Variants in UHRF2 observed in about 807,000 individuals in gnomAD.
UHRF2 encodes the protein ubiquitin like with PHD and ring finger domains 2.
Under a neutral mutation model 96.8 loss-of-function variants are expected in UHRF2, and 23 were observed. That is an observed-to-expected ratio of 0.24 (90% CI 0.17 to 0.34). The LOEUF (loss-of-function observed/expected upper bound fraction) is 0.34. Ranked by LOEUF, UHRF2 falls within the 10% of genes least tolerant of loss-of-function variation. The pLI, the probability that UHRF2 is intolerant of heterozygous loss-of-function variation, is 1.00. For synonymous variants in UHRF2, 385 were observed against 332.6 expected (o/e 1.16, Z -1.72); for missense variants, 685 against 981.5 (o/e 0.70, Z 4.04).
At chr9:6,414,641 T>C (rs1322085019) in intron 1 of UHRF2, among the ~76,000 whole-genome samples, 1 of 152,246 alleles carries the variant, frequency 6.6e-6, no homozygotes, top group Non-Finnish European at 1.5e-5. Flanking sequence ...GACCACAGTT[T>C]GGCTCCAATC....
Position 6,506,309 on chromosome 9 carries a change from A to G in UHRF2, c.*130A>G, listed in dbSNP as rs545824934. 194 of 1,197,724 alleles carry G rather than the reference A, an allele frequency of 1.6e-4. No homozygotes were observed. In the East Asian group the frequency reaches 4.5e-3, roughly 28 times the overall value. 74.2% of individuals were successfully genotyped at this position (1,197,724 alleles called of 1,614,324 possible). On this transcript the variant is annotated 3_prime_UTR_variant, in exon 16 of 16. Transcript: ENST00000276893. ...TGAAGCAGCTAATCCTCTTTCCCAC[A>G]TAGCCATCATCTTGTGTGTGTAGTA...
chr9:6,427,461 C>T (rs993517997), intron 2 of UHRF2, among the ~76,000 whole-genome samples: 2 of 151,996 alleles, frequency 1.3e-5, no homozygotes, highest in Admixed American at 6.6e-5. Context: ...TCGAGGCAGG[C>T]AGAGCACCTG....
At chr9:6,426,395 C>T (rs916639702) in intron 2 of UHRF2, among the ~76,000 whole-genome samples, 1 of 152,184 alleles carries the variant, frequency 6.6e-6, no homozygotes, top group Non-Finnish European at 1.5e-5. Flanking sequence ...TTAAGGTTCC[C>T]TTTCCCCATT....
At chr9:6,452,703 A>G (rs1821946428) in intron 3 of UHRF2, among the ~76,000 whole-genome samples, 1 of 152,206 alleles carries the variant, frequency 6.6e-6, no homozygotes, top group Non-Finnish European at 1.5e-5. Flanking sequence ...CACTTCTAAG[A>G]GCATGAAGGG....
intron 3 of UHRF2, among the ~76,000 whole-genome samples, chr9:6,445,640 C>G (rs1189419486): frequency 6.6e-6 from 1 of 152,178 alleles, no homozygotes. Flanking sequence ...TCACTGCAAC[C>G]TTGACCTCCT....
intron 9 of UHRF2, among the ~76,000 whole-genome samples, chr9:6,488,926 G>A (rs1345014756): frequency 1.3e-5 from 2 of 151,834 alleles, no homozygotes; most frequent in Non-Finnish European, 2.9e-5. Context: ...GATTCTCCTG[G>A]TGCAGCTTTC....
At chr9:6,447,468 T>C (rs201782192) in intron 3 of UHRF2, among the ~76,000 whole-genome samples, 2 of 152,124 alleles carry the variant, frequency 1.3e-5, no homozygotes, top group African/African-American at 2.4e-5. Context: ...AGAGGAGATA[T>C]TTTAGTTCCT....
Position 6,504,542 on chromosome 9 carries a change from CATATT to C in UHRF2, c.2164-48_2164-44del, listed in dbSNP as rs749447182. ...ATACACAGTAGATGAATTTTATTAG[CATATT>C]ATGAACTGCTAACTTTTCTTTCCTT... On this transcript the variant is annotated intron_variant, in intron 14 of 15. Transcript: ENST00000276893. 4.2e-5 allele frequency: 52 copies of C among 1,226,246 alleles called. No individual in the cohort carries two copies. The East Asian group carries it at 1.2e-3, about 28-fold the overall frequency. The allele number at this position is 1,226,246 out of a possible 1,614,324, so 76.0% of individuals were successfully genotyped here.
chr9:6,477,720 A>T lies in UHRF2; in HGVS notation c.1072A>T (p.Met358Leu), dbSNP rs778328119. 2.5e-6 allele frequency: 4 copies of T among 1,614,164 alleles called. No homozygotes were observed. Among genetic ancestry groups the T allele is most frequent in the South Asian group, 1.1e-5 (1 of 91,088 alleles). The stretch of plus-strand genomic sequence containing the variant: ...ATGTGGTGGGAAACATGAACCCAAC[A>T]TGCAGCTTCTGTGTGATGAATGTAA... ...RVCGGKHEPN[M>L]QLLCDECNVA... The change falls in exon 6 of 16, where the codon ATG becomes TTG. Residue 358 changes from methionine to leucine, a missense_variant. Transcript: ENST00000276893.
chr9:6,460,660 T>G lies in UHRF2; in HGVS notation c.732T>G (p.Val244=). ...TTTTGAAATGGAATGAACTAAATGTTGGTGATGTGGTAATGGTTAATTATA... is the reference window on the plus strand; with the variant it reads ...TTTTGAAATGGAATGAACTAAATGTGGGTGATGTGGTAATGGTTAATTATA... The part of the protein sequence containing the change: ...RTILKWNELN[V]GDVVMVNYNV... Residue 244 remains valine, a synonymous_variant, in exon 4 of 16, where the codon GTT becomes GTG. Transcript: ENST00000276893. 1 of 1,613,752 alleles carries G rather than the reference T, an allele frequency of 6.2e-7. No homozygotes were observed. Among genetic ancestry groups the G allele is most frequent in the East Asian group, 2.2e-5 (1 of 44,852 alleles).
At chr9:6,482,380 A>G (rs927431330) in intron 8 of UHRF2, among the ~76,000 whole-genome samples, 35 of 152,196 alleles carry the variant, frequency 2.3e-4, no homozygotes, top group Admixed American at 2.0e-3. Flanking sequence ...TTTCCTGCCA[A>G]AAATTTAGCA....
At chr9:6,430,979 C>G (rs1236299882) in intron 2 of UHRF2, among the ~76,000 whole-genome samples, 1 of 152,176 alleles carries the variant, frequency 6.6e-6, no homozygotes, top group African/African-American at 2.4e-5. Context: ...CCTCTTTTGT[C>G]TGCTATTTTG....
At position 6,420,790 on chromosome 9, in the gene UHRF2, G is replaced by A. The variant is rs901531549; in HGVS notation, c.154-122G>A. On this transcript the variant is annotated intron_variant, in intron 1 of 15. Coordinates refer to ENST00000276893, the MANE Select transcript of UHRF2 (RefSeq NM_152896.3). The stretch of plus-strand genomic sequence containing the variant: ...CAGAGGCCATTAAGTATTAAGAATG[G>A]TTTTAAAATCTCTAAACTGTAGTGC... 2.9e-4 allele frequency: 212 copies of A among 729,660 alleles called. 1 individual carries two copies. The highest frequency in any genetic ancestry group is 1.9e-3 in the Middle Eastern group (8 of 4,180). 45.2% of individuals were successfully genotyped at this position (729,660 alleles called of 1,614,324 possible).
chr9:6,497,526 A>G (rs1825038605), intron 11 of UHRF2, among the ~76,000 whole-genome samples, 166 bp downstream of exon 11: 1 of 151,696 alleles, frequency 6.6e-6, no homozygotes, highest in African/African-American at 2.4e-5. Flanking sequence ...TAACTTCAGC[A>G]CTTTACTTTT....
chr9:6,486,783 T>G (rs199651739), intron 8 of UHRF2, 38 bp from the exon 9 acceptor site: 2 of 1,594,428 alleles, frequency 1.3e-6, no homozygotes, highest in East Asian at 4.5e-5. Context: ...TCTTAACTGT[T>G]CAGAGGTATT....
At chr9:6,483,930 C>A (rs1180623405) in intron 8 of UHRF2, among the ~76,000 whole-genome samples, 1 of 152,178 alleles carries the variant, frequency 6.6e-6, no homozygotes, top group Non-Finnish European at 1.5e-5. Context: ...CTCGGGTGAT[C>A]TGCCTGTCTC....
chr9:6,417,491 T>G (rs963441520), intron 1 of UHRF2, among the ~76,000 whole-genome samples: 2 of 152,346 alleles, frequency 1.3e-5, no homozygotes, highest in Admixed American at 6.5e-5. Flanking sequence ...ATCTTCACTT[T>G]CATTAAATGT....
chr9:6,473,506 T>C (rs973633248), intron 4 of UHRF2, among the ~76,000 whole-genome samples: 1 of 152,148 alleles, frequency 6.6e-6, no homozygotes, highest in African/African-American at 2.4e-5. Context: ...AAAGAATTAA[T>C]GTAGGCATTG....
At position 6,469,094 on chromosome 9, in the gene UHRF2, C is replaced by G. The variant is rs546668701; in HGVS notation, c.864-6297C>G. Among the ~76,000 whole-genome samples, 2 of 152,130 alleles carry G rather than the reference C, an allele frequency of 1.3e-5. 1 individual carries two copies. The highest frequency in any genetic ancestry group is 4.1e-4 in the South Asian group (2 of 4,830). ...TTGATAATTCAAGTTATCAGAGAAA[C>G]TTTCAAGTAACTGTGATTAATATGC... On this transcript the variant is annotated intron_variant, in intron 4 of 15. Transcript: ENST00000276893.
Sources: allele counts gnomAD v4.1 joint callset (sites outside exome capture counted in the v4.1 genomes callset), GRCh38; gene constraint gnomAD v4.1.1; transcripts MANE v1.5; gene names NCBI Gene and HGNC (gene_info 2026-07-23, HGNC 2026-07-21).